The following CPA6 variants were observed in gnomAD, a reference collection of about 807,000 sequenced individuals.
CPA6 encodes the protein carboxypeptidase A6.
A neutral mutation model predicts 63.3 loss-of-function variants in CPA6; 58 were observed. The observed-to-expected ratio is 0.92, with a 90% CI of 0.74 to 1.14. The LOEUF is 1.14. CPA6 is among the 50% of genes most tolerant of loss of function. CPA6 has a pLI of 0.00. For synonymous variants in CPA6, 185 were observed against 179.0 expected (o/e 1.03, Z -0.27); for missense variants, 565 against 526.6 (o/e 1.07, Z -0.71).
At chr8:67,660,107 T>C (rs184164172) in intron 1 of CPA6, among the ~76,000 whole-genome samples, 36 of 152,196 alleles carry the variant, frequency 2.4e-4, no homozygotes, top group Admixed American at 4.6e-4. Flanking sequence ...TCTGATTTTA[T>C]TATGTAAGGG....
At chr8:67,441,593 A>G (rs1554663038) in intron 8 of CPA6, among the ~76,000 whole-genome samples, 4 of 152,208 alleles carry the variant, frequency 2.6e-5, no homozygotes, top group Non-Finnish European at 5.9e-5. Context: ...ATACATAGGT[A>G]TAATCATAGA....
intron 8 of CPA6, among the ~76,000 whole-genome samples, chr8:67,459,453 G>A (rs1810751168): frequency 6.6e-6 from 1 of 152,186 alleles, no homozygotes; most frequent in Non-Finnish European, 1.5e-5. Context: ...ATGAGCTATC[G>A]AGCAATAAAG....
In CPA6 at chr8:67,602,017, A is replaced by G. The variant is rs142924911; in HGVS notation, c.192+22159T>C. 1.1e-4 allele frequency among the ~76,000 whole-genome samples: 16 copies of G among 152,324 alleles called. No individual in the cohort carries two copies. In the East Asian group the frequency reaches 3.1e-3, roughly 29 times the overall value. On this transcript the variant is annotated intron_variant, in intron 2 of 10. Transcript: ENST00000297770. ...CTGGTATATCTATGGCAATAGAAGA[A>G]CATGCAGTTGTAAAAAGGAAGAAGC...
chr8:67,505,698 C>CAAA (rs1370061271), intron 6 of CPA6, among the ~76,000 whole-genome samples: 1 of 152,068 alleles, frequency 6.6e-6, no homozygotes, highest in Non-Finnish European at 1.5e-5. Context: ...TTTTATTACT[C>CAAA]AATACTTACA....
At chr8:67,478,425 A>G (rs561297321) in intron 8 of CPA6, among the ~76,000 whole-genome samples, 79 of 152,220 alleles carry the variant, frequency 5.2e-4, no homozygotes, top group Non-Finnish European at 8.5e-4. Flanking sequence ...CCTGATTTAT[A>G]GCCAGTCAGT....
In CPA6 at chr8:67,422,626, C is replaced by T. The variant is rs775233588; in HGVS notation, c.1192G>A (p.Glu398Lys). The T allele has an allele frequency of 2.5e-5, 40 of 1,613,650 alleles. No homozygotes were observed. Among genetic ancestry groups the T allele is most frequent in the African/African-American group, 4.0e-5 (3 of 74,766 alleles). Reference protein sequence around the residue: ...KNGIPYAFAFELRDTGYFGFL... With the variant: ...KNGIPYAFAFKLRDTGYFGFL... ...CCAAAATATCCAGTGTCACGTAGTT[C>T]GAAAGCAAATGCATAAGGTATTCCA... The change falls in exon 11 of 11, where the codon GAA becomes AAA. Residue 398 changes from glutamate to lysine, a missense_variant. Physicochemically the swap from Glu to Lys is moderately conservative, Grantham distance 56. Transcript: ENST00000297770.
intron 1 of CPA6, among the ~76,000 whole-genome samples, chr8:67,648,355 T>C (rs1012102198): frequency 6.6e-6 from 1 of 150,974 alleles, no homozygotes; most frequent in Non-Finnish European, 1.5e-5. Context: ...TCAAAATCCT[T>C]TGAGGAATGA....
intron 1 of CPA6, among the ~76,000 whole-genome samples, chr8:67,723,209 A>T (rs1170378356): frequency 6.6e-6 from 1 of 152,222 alleles, no homozygotes; most frequent in Non-Finnish European, 1.5e-5. Context: ...TAGAAAAATC[A>T]ACACATACAG....
intron 1 of CPA6, among the ~76,000 whole-genome samples, chr8:67,626,681 C>G (rs1014687227): frequency 2.0e-5 from 3 of 152,108 alleles, no homozygotes. Flanking sequence ...TCATCATACC[C>G]TGGCCTTTCT....
intron 2 of CPA6, among the ~76,000 whole-genome samples, chr8:67,609,011 A>T (rs936566926): frequency 1.3e-5 from 2 of 152,228 alleles, no homozygotes; most frequent in Non-Finnish European, 2.9e-5. Flanking sequence ...GAAAGCCCAG[A>T]GTCCTCCCAT....
intron 1 of CPA6, among the ~76,000 whole-genome samples, chr8:67,671,917 G>T (rs1816356158): frequency 6.6e-6 from 1 of 152,066 alleles, no homozygotes; most frequent in African/African-American, 2.4e-5. Flanking sequence ...TGCAACCTCT[G>T]TCTCCCAGGT....
chr8:67,462,551 A>G (rs958013344), intron 8 of CPA6, among the ~76,000 whole-genome samples: 1 of 152,214 alleles, frequency 6.6e-6, no homozygotes, highest in East Asian at 1.9e-4. Flanking sequence ...TTAATTAGTC[A>G]AAAGGCACAT....
chr8:67,507,935 A>C (rs1272067005), intron 5 of CPA6, among the ~76,000 whole-genome samples: 2 of 151,810 alleles, frequency 1.3e-5, no homozygotes, highest in East Asian at 3.9e-4. Flanking sequence ...GATAAAGCTC[A>C]AAGTGGATTC....
rs138737648 is a variant in CPA6, at chr8:67,523,488, C to T, written c.193-5441G>A. 8.7e-3 allele frequency among the ~76,000 whole-genome samples: 1,320 copies of T among 152,122 alleles called. 21 individuals carry two copies. The highest frequency in any genetic ancestry group is 0.03 in the African/African-American group (1,260 of 41,486). ...AGCTTGCAGTGAGCTGAGATGGTGC[C>T]GCTGCACTCCAGCCTGGGGGAAAGA... On this transcript the variant is annotated intron_variant, in intron 2 of 10. Coordinates refer to ENST00000297770, the MANE Select transcript of CPA6 (RefSeq NM_020361.5).
intron 1 of CPA6, among the ~76,000 whole-genome samples, chr8:67,741,589 G>A (rs1460184962): frequency 6.6e-6 from 1 of 152,142 alleles, no homozygotes; most frequent in Non-Finnish European, 1.5e-5. Context: ...TCTGCCTCCT[G>A]TCGATCATCA....
At chr8:67,645,467 A>C (rs918045330) in intron 1 of CPA6, among the ~76,000 whole-genome samples, 13 of 152,312 alleles carry the variant, frequency 8.5e-5, no homozygotes, top group Admixed American at 7.2e-4. Flanking sequence ...CATATCCTAG[A>C]ATTCAATTTA....
At chr8:67,683,998 AATGTATATAT>A (rs1437238548) in intron 1 of CPA6, among the ~76,000 whole-genome samples, 2 of 61,800 alleles carry the variant, frequency 3.2e-5, no homozygotes, top group African/African-American at 1.8e-4. Context: ...CTGATTTTAA[AATGTATATAT>A]ATATATATAT....
intron 1 of CPA6, among the ~76,000 whole-genome samples, chr8:67,681,478 G>A (rs1816597206): frequency 6.6e-6 from 1 of 151,786 alleles, no homozygotes; most frequent in Non-Finnish European, 1.5e-5. Context: ...CAAAGTGCTG[G>A]GATTACAGGC....
Position 67,474,599 on chromosome 8 carries a change from C to T in CPA6, c.838+9169G>A, listed in dbSNP as rs1045210137. Reference sequence around the variant, plus strand: ...TGGAATGGATGGAGAGTGCCTATGCCCATAATGCACACTACTGACTTCATT... The same window carrying T: ...TGGAATGGATGGAGAGTGCCTATGCTCATAATGCACACTACTGACTTCATT... On this transcript the variant is annotated intron_variant, in intron 8 of 10. Coordinates refer to ENST00000297770, the MANE Select transcript of CPA6 (RefSeq NM_020361.5). 7.0e-4 allele frequency among the ~76,000 whole-genome samples: 106 copies of T among 152,056 alleles called. 2 individuals carry two copies. The highest frequency in any genetic ancestry group is 9.8e-4 in the Admixed American group (15 of 15,252).
Sources: gnomAD v4.1 joint callset for allele counts (sites outside exome capture counted in the v4.1 genomes callset) on GRCh38, gnomAD v4.1.1 for gene constraint, MANE v1.5 for transcripts, NCBI Gene and HGNC (gene_info 2026-07-23, HGNC 2026-07-21) for gene names.